Variants in ARHGAP17 observed in about 807,000 individuals in gnomAD.
ARHGAP17 encodes Rho GTPase activating protein 17.
In ARHGAP17, 57 loss-of-function variants were observed where a neutral mutation model predicts 99.5. That is an observed-to-expected ratio of 0.57 (90% CI 0.46 to 0.71). The LOEUF is 0.71. Ranked by LOEUF, ARHGAP17 falls within the 30% of genes least tolerant of loss-of-function variation. ARHGAP17 has a pLI of 0.00. For missense variants in ARHGAP17, 1,000 were observed against 1,122.4 expected (o/e 0.89, Z 1.56); for synonymous variants, 417 against 429.6 (o/e 0.97, Z 0.36).
chr16:24,945,975 T>G (rs1287683068), intron 14 of ARHGAP17, among the ~76,000 whole-genome samples: 1 of 152,182 alleles, frequency 6.6e-6, no homozygotes, highest in Non-Finnish European at 1.5e-5. Context: ...TGTCAATGAT[T>G]CAACCTCTAT....
intron 1 of ARHGAP17, among the ~76,000 whole-genome samples, chr16:24,982,994 ATATTTTTTT>A (rs1426395317): frequency 2.1e-3 from 37 of 17,370 alleles, no homozygotes; most frequent in African/African-American, 4.5e-3. Flanking sequence ...ATATATATAT[ATATTTTTTT>A]TTTTTTTTTT....
intron 15 of ARHGAP17, 27 bp from the exon 16 acceptor site, chr16:24,942,170 A>G: frequency 1.3e-6 from 2 of 1,589,520 alleles, no homozygotes; most frequent in Non-Finnish European, 8.6e-7. Context: ...AAACAAGTGC[A>G]TGAGACACTG....
At chr16:24,992,480 C>T (rs1198736841) in intron 1 of ARHGAP17, among the ~76,000 whole-genome samples, 1 of 151,996 alleles carries the variant, frequency 6.6e-6, no homozygotes, top group African/African-American at 2.4e-5. Context: ...GGACTACAGG[C>T]GCACGCCACC....
intron 3 of ARHGAP17, among the ~76,000 whole-genome samples, chr16:24,973,690 C>T (rs9929419): frequency 3.9e-5 from 6 of 152,302 alleles, no homozygotes; most frequent in East Asian, 1.9e-4. Flanking sequence ...CCCCATAAAA[C>T]CCTGTGCATG....
At chr16:24,958,871 C>T (rs1253789120) in intron 9 of ARHGAP17, among the ~76,000 whole-genome samples, 1 of 152,094 alleles carries the variant, frequency 6.6e-6, no homozygotes, top group Non-Finnish European at 1.5e-5. Flanking sequence ...GCATAAGCTC[C>T]AAATGTCAGG....
At chr16:24,946,417 A>G (rs1456093372) in intron 14 of ARHGAP17, among the ~76,000 whole-genome samples, 1 of 151,554 alleles carries the variant, frequency 6.6e-6, no homozygotes, top group Non-Finnish European at 1.5e-5. Flanking sequence ...CTGTTAACTC[A>G]TCAAGGTACA....
chr16:25,003,817 C>A (rs2053436666), intron 1 of ARHGAP17, among the ~76,000 whole-genome samples: 2 of 134,304 alleles, frequency 1.5e-5, no homozygotes, highest in South Asian at 2.6e-4. Flanking sequence ...AGCAAGAATC[C>A]ATCTCAAAAA....
chr16:24,936,738 A>G (rs2051150760), intron 17 of ARHGAP17: 1 of 151,848 alleles, frequency 6.6e-6, no homozygotes, highest in Non-Finnish European at 1.5e-5. Flanking sequence ...CTGACATTCC[A>G]TTTGTCCTTC....
chr16:24,984,657 G>A (rs535273723), intron 1 of ARHGAP17, among the ~76,000 whole-genome samples: 5 of 150,498 alleles, frequency 3.3e-5, no homozygotes, highest in African/African-American at 7.3e-5. Flanking sequence ...GCAAGACTCC[G>A]TCTCAAAAAA....
intron 12 of ARHGAP17, 83 bp from the exon 13 acceptor site, chr16:24,949,567 C>A: frequency 3.4e-6 from 4 of 1,183,182 alleles, no homozygotes; most frequent in Non-Finnish European, 4.9e-6. Context: ...ATGAGGCCTC[C>A]ATTTTGACAG....
At chr16:25,010,177 T>C (rs1374870265) in intron 1 of ARHGAP17, among the ~76,000 whole-genome samples, 1 of 151,934 alleles carries the variant, frequency 6.6e-6, no homozygotes. Context: ...CCAGGCTCAG[T>C]TGATCCTCCC....
chr16:24,982,982 ATATATATATATATATTTTTTTTTTT>A (rs2052729668), intron 1 of ARHGAP17, among the ~76,000 whole-genome samples: 2 of 32,668 alleles, frequency 6.1e-5, no homozygotes, highest in South Asian at 1.3e-3. Flanking sequence ...ATATATATAT[ATATATATATATATATTTTTTTTTTT>A]TTTTTTTTTT....
At chr16:24,959,261 C>G (rs1026673811) in intron 9 of ARHGAP17, among the ~76,000 whole-genome samples, 1 of 152,168 alleles carries the variant, frequency 6.6e-6, no homozygotes, top group Non-Finnish European at 1.5e-5. Context: ...ACTGGCTTCT[C>G]TTTTGGAAAG....
intron 16 of ARHGAP17, chr16:24,939,847 A>T: frequency 1.8e-6 from 1 of 543,544 alleles, no homozygotes; most frequent in Non-Finnish European, 3.3e-6. Flanking sequence ...GCTAAAAGCA[A>T]ATAGGCAGGC....
chr16:24,980,333 T>C (rs1048425783), intron 1 of ARHGAP17, among the ~76,000 whole-genome samples: 4 of 152,208 alleles, frequency 2.6e-5, no homozygotes, highest in Non-Finnish European at 5.9e-5. Context: ...CTTGTCATCA[T>C]GGCACTGTCC....
At position 24,954,698 on chromosome 16, in the gene ARHGAP17, G is replaced by C. The variant is rs2051753500; in HGVS notation, c.757C>G (p.Pro253Ala). Residue 253 changes from proline (P) to alanine (A), a missense_variant, in exon 10 of 20, where the codon CCC becomes GCC. Around this residue, in one of 2 missense-constraint regions of ARHGAP17, gnomAD observed 472 missense variants for 611.1 expected, o/e 0.77. Coordinates refer to ENST00000289968, the MANE Select transcript of ARHGAP17 (RefSeq NM_001006634.3). ...KWAEKPAFGT[P>A]LEEHLKRSGR... ...CTCCTCTTCAGGTGTTCTTCTAGGG[G>C]AGTCCCAAAGGCTGGTTTTTCCGCC... 1.2e-6 allele frequency: 2 copies of C among 1,614,038 alleles called. No individual in the cohort carries two copies. Among genetic ancestry groups the C allele is most frequent in the Non-Finnish European group, 1.7e-6 (2 of 1,179,966 alleles).
chr16:24,976,806 A>G (rs187910079), intron 3 of ARHGAP17, among the ~76,000 whole-genome samples: 2 of 152,338 alleles, frequency 1.3e-5, no homozygotes, highest in Non-Finnish European at 2.9e-5. Flanking sequence ...TTTTCATTAC[A>G]TTACTAAAAT....
intron 4 of ARHGAP17, among the ~76,000 whole-genome samples, chr16:24,969,852 T>C (rs750452351): frequency 6.6e-6 from 1 of 152,066 alleles, no homozygotes; most frequent in Non-Finnish European, 1.5e-5. Context: ...GAGATAACTG[T>C]AGACGCTGAG....
chr16:25,000,650 C>T (rs2053336637), intron 1 of ARHGAP17, among the ~76,000 whole-genome samples: 1 of 152,206 alleles, frequency 6.6e-6, no homozygotes, highest in South Asian at 2.1e-4. Context: ...GATTCAGAGG[C>T]TACAATTCAG....
Sources: gnomAD v4.1 joint callset for allele counts (sites outside exome capture counted in the v4.1 genomes callset) on GRCh38, gnomAD v4.1.1 for gene constraint, gnomAD v4.1.1 regional missense constraint, MANE v1.5 for transcripts, NCBI Gene and HGNC (gene_info 2026-07-23, HGNC 2026-07-21) for gene names.